Variants in SGMS1 observed in about 807,000 individuals in gnomAD.
The protein encoded by SGMS1 is phosphatidylcholine:ceramide cholinephosphotransferase 1.
Under a neutral mutation model 46.2 loss-of-function variants are expected in SGMS1, and 13 were observed. The ratio of observed to expected loss-of-function variants is 0.28; its 90% confidence interval spans 0.18 to 0.45. The LOEUF (loss-of-function observed/expected upper bound fraction) is 0.45, where lower values mean the gene tolerates loss of function less well. Ranked by LOEUF, SGMS1 falls within the 20% of genes least tolerant of loss-of-function variation. The pLI is 1.00. For synonymous variants in SGMS1, 203 were observed against 187.8 expected, an observed-to-expected ratio of 1.08 and a Z score of -0.66; for missense variants, 324 against 519.9, an observed-to-expected ratio of 0.62 and a Z score of 3.66.
chr10:50,364,980 T>C (rs1848310536), intron 6 of SGMS1, among the ~76,000 whole-genome samples: 1 of 152,070 alleles, frequency 6.6e-6, no homozygotes, highest in South Asian at 2.1e-4. Flanking sequence ...CAAAAGCAAC[T>C]AGGCTGAGCA....
chr10:50,568,163 A>G (rs1838306517), intron 2 of SGMS1, among the ~76,000 whole-genome samples: 1 of 152,220 alleles, frequency 6.6e-6, no homozygotes, highest in South Asian at 2.1e-4. Flanking sequence ...CCATAAGAGC[A>G]ATATTTTTAA....
intron 3 of SGMS1, among the ~76,000 whole-genome samples, chr10:50,471,258 C>A (rs140135315): frequency 6.6e-6 from 1 of 152,246 alleles, no homozygotes; most frequent in Non-Finnish European, 1.5e-5. Context: ...AGAAGAGGTA[C>A]TTTATCCCTT....
At chr10:50,425,346 A>G (rs912420348) in intron 6 of SGMS1, among the ~76,000 whole-genome samples, 3 of 152,262 alleles carry the variant, frequency 2.0e-5, no homozygotes. Flanking sequence ...GAATCAACCT[A>G]GGTGCCCATC....
chr10:50,618,512 T>C (rs1009948714), intron 1 of SGMS1, among the ~76,000 whole-genome samples: 15 of 148,174 alleles, frequency 1.0e-4, no homozygotes, highest in African/African-American at 3.9e-4. Context: ...TAATCACTAA[T>C]GAATATATTA....
At chr10:50,318,162 C>G (rs1045081467) in intron 8 of SGMS1, among the ~76,000 whole-genome samples, 2 of 152,166 alleles carry the variant, frequency 1.3e-5, no homozygotes, top group African/African-American at 4.8e-5. Flanking sequence ...TTTCTGCCTT[C>G]TCTCTTCTTA....
chr10:50,563,514 C>A (rs1434761927), intron 2 of SGMS1, among the ~76,000 whole-genome samples: 1 of 151,858 alleles, frequency 6.6e-6, no homozygotes, highest in Non-Finnish European at 1.5e-5. Context: ...GAGGCCGAGG[C>A]GGGCGGATCA....
intron 2 of SGMS1, among the ~76,000 whole-genome samples, chr10:50,539,036 T>C (rs1327298874): frequency 6.6e-6 from 1 of 152,238 alleles, no homozygotes; most frequent in Non-Finnish European, 1.5e-5. Context: ...ACACAGGTAT[T>C]GTTCCTGTCC....
At chr10:50,401,132 T>A (rs540913092) in intron 6 of SGMS1, among the ~76,000 whole-genome samples, 24 of 152,310 alleles carry the variant, frequency 1.6e-4, no homozygotes, top group African/African-American at 5.5e-4. Flanking sequence ...AAATCATTAA[T>A]TGTCACATTC....
chr10:50,423,594 T>C (rs114533643), intron 6 of SGMS1, among the ~76,000 whole-genome samples: 191 of 152,118 alleles, frequency 1.3e-3, no homozygotes, highest in African/African-American at 4.3e-3. Flanking sequence ...AGTTCACTTC[T>C]AGAGTCAAAA....
At position 50,623,707 on chromosome 10, in the gene SGMS1, T is replaced by C. The variant is rs1247365979; in HGVS notation, c.-684A>G. ...TGTCTGTCCCTGCCCCACGACTCAC[T>C]TGCACTGGAGTCACGGCAGCCGCCG... is the stretch of plus-strand genomic sequence containing the variant. On this transcript the variant is annotated splice_region_variant and 5_prime_UTR_variant, in exon 1 of 11. Transcript: ENST00000361781. 12 of 985,166 alleles carry C rather than the reference T, an allele frequency of 1.2e-5. No homozygotes were observed. Among genetic ancestry groups the C allele is most frequent in the Middle Eastern group, 1.0e-3 (2 of 1,934 alleles). The allele number at this position is 985,166 out of a possible 1,614,324, so 61.0% of individuals were successfully genotyped here. A position where few individuals can be genotyped will look rare whatever the true frequency, so the allele number is the denominator to read the frequency against.
At chr10:50,310,695 T>C (rs1589379597) in intron 9 of SGMS1, among the ~76,000 whole-genome samples, 1 of 152,196 alleles carries the variant, frequency 6.6e-6, no homozygotes, top group Non-Finnish European at 1.5e-5. Flanking sequence ...ATCTGAGCCA[T>C]GTATGCGGTA....
At chr10:50,586,648 G>A (rs530437761) in intron 2 of SGMS1, among the ~76,000 whole-genome samples, 2 of 152,354 alleles carry the variant, frequency 1.3e-5, no homozygotes, top group East Asian at 1.9e-4. Context: ...AGTAGGGAAC[G>A]ACGTGAGAAG....
At chr10:50,575,631 C>G (rs1256307765) in intron 2 of SGMS1, among the ~76,000 whole-genome samples, 1 of 152,016 alleles carries the variant, frequency 6.6e-6, no homozygotes, top group Non-Finnish European at 1.5e-5. Flanking sequence ...ACAAAGGACA[C>G]AGGAAACTTT....
chr10:50,417,057 TTA>T (rs1849180770), intron 6 of SGMS1, among the ~76,000 whole-genome samples: 1 of 152,166 alleles, frequency 6.6e-6, no homozygotes, highest in South Asian at 2.1e-4. Flanking sequence ...CCACCATCCT[TTA>T]TGTTACTGGG....
chr10:50,404,386 T>C (rs1848984315), intron 6 of SGMS1, among the ~76,000 whole-genome samples: 2 of 151,944 alleles, frequency 1.3e-5, no homozygotes, highest in African/African-American at 4.8e-5. Context: ...GTGGGAGAAC[T>C]GCCTGAGGCC....
At chr10:50,587,350 A>G (rs1412842938) in intron 2 of SGMS1, among the ~76,000 whole-genome samples, 1 of 152,222 alleles carries the variant, frequency 6.6e-6, no homozygotes, top group Non-Finnish European at 1.5e-5. Context: ...AATATATGTC[A>G]TTGGCCGGGC....
At chr10:50,347,111 T>C (rs1211461393) in intron 6 of SGMS1, among the ~76,000 whole-genome samples, 1 of 152,102 alleles carries the variant, frequency 6.6e-6, no homozygotes, top group African/African-American at 2.4e-5. Context: ...ACCGTGCACT[T>C]TCCCTGTCAC....
intron 6 of SGMS1, among the ~76,000 whole-genome samples, chr10:50,370,744 A>AT (rs1441255760): frequency 6.8e-6 from 1 of 146,836 alleles, no homozygotes; most frequent in Admixed American, 6.8e-5. Context: ...CATCTCAATA[A>AT]AAAAAAAAAA....
chr10:50,486,674 A>G (rs9416590), intron 3 of SGMS1, among the ~76,000 whole-genome samples: 130,549 of 152,190 alleles, frequency 0.86, 56,250 homozygotes, highest in East Asian at 1. Flanking sequence ...TGCTGGTCAG[A>G]CTACAGAGAG....
Sources: gnomAD v4.1 joint callset for allele counts (sites outside exome capture counted in the v4.1 genomes callset) on GRCh38, gnomAD v4.1.1 for gene constraint, MANE v1.5 for transcripts, NCBI Gene and HGNC (gene_info 2026-07-23, HGNC 2026-07-21) for gene names.